The following SYT1 variants were observed in gnomAD, a reference collection of about 807,000 sequenced individuals.
The protein encoded by SYT1 is synaptotagmin 1, also known as synaptotagmin-1.
A neutral mutation model predicts 44.8 loss-of-function variants in SYT1; 8 were observed. That is an observed-to-expected ratio of 0.18 (90% CI 0.10 to 0.32). The LOEUF (loss-of-function observed/expected upper bound fraction) is 0.32, where lower values mean the gene tolerates loss of function less well. Among genes scored for constraint, SYT1 ranks in the 10% least tolerant of loss-of-function variants. The probability of loss-of-function intolerance (pLI) is 1.00; values close to 1 mark genes in which losing one functional copy is unlikely to be tolerated. For synonymous variants in SYT1, 154 were observed against 188.8 expected, an observed-to-expected ratio of 0.82 and a Z score of 1.51; for missense variants, 286 against 509.3, an observed-to-expected ratio of 0.56 and a Z score of 4.22.
At chr12:78,968,064 A>G (rs1868290105) in intron 1 of SYT1, among the ~76,000 whole-genome samples, 1 of 152,148 alleles carries the variant, frequency 6.6e-6, no homozygotes, top group Admixed American at 6.5e-5. Flanking sequence ...TTACATATCT[A>G]TATATGGAAG....
intron 8 of SYT1, among the ~76,000 whole-genome samples, chr12:79,316,670 G>A (rs1881101128): frequency 1.3e-5 from 2 of 151,958 alleles, no homozygotes; most frequent in South Asian, 4.1e-4. Flanking sequence ...TCTTGACCTG[G>A]GCACTATGTT....
intron 9 of SYT1, among the ~76,000 whole-genome samples, chr12:79,441,668 G>A (rs987060782): frequency 6.6e-6 from 1 of 152,114 alleles, no homozygotes; most frequent in Non-Finnish European, 1.5e-5. Flanking sequence ...ATACATCTGA[G>A]TCATCAGAAC....
At chr12:79,019,771 A>G (rs1275366296) in intron 2 of SYT1, among the ~76,000 whole-genome samples, 1 of 152,006 alleles carries the variant, frequency 6.6e-6, no homozygotes, top group Non-Finnish European at 1.5e-5. Flanking sequence ...CAGGAGTAAA[A>G]TTTGTCAGTG....
intron 1 of SYT1, among the ~76,000 whole-genome samples, chr12:78,904,286 T>C (rs1346939187): frequency 6.6e-6 from 1 of 152,120 alleles, no homozygotes; most frequent in Non-Finnish European, 1.5e-5. Context: ...GATACTTCTA[T>C]ATTAAGTTAC....
chr12:79,394,373 CAA>C (rs1227612713), intron 9 of SYT1, among the ~76,000 whole-genome samples: 1 of 151,788 alleles, frequency 6.6e-6, no homozygotes, highest in Non-Finnish European at 1.5e-5. Context: ...AATGCAGCTA[CAA>C]AAAAAATTAC....
intron 1 of SYT1, among the ~76,000 whole-genome samples, chr12:78,920,776 T>C (rs1876940276): frequency 6.6e-6 from 1 of 151,962 alleles, no homozygotes; most frequent in African/African-American, 2.4e-5. Flanking sequence ...TAACCTTTAT[T>C]ATCTGATTCA....
rs143434508 is a variant in SYT1 at position 79,024,518 on chromosome 12, A to C, written c.-83-22779A>C. Among the ~76,000 whole-genome samples the C allele has an allele frequency of 3.9e-5, 6 of 151,950 alleles. No individual in the cohort carries two copies. The East Asian group carries it at 1.2e-3, about 30-fold the overall frequency. On this transcript the variant is annotated intron_variant, in intron 2 of 10. Coordinates refer to ENST00000261205, the MANE Select transcript of SYT1 (RefSeq NM_005639.3). ...TTATTCATTTAATAATCAAATATTA[A>C]CTGAATGTCTACCTTGTAAAGATAC...
chr12:78,940,334 T>A (rs1661801124), intron 1 of SYT1, among the ~76,000 whole-genome samples: 1 of 152,218 alleles, frequency 6.6e-6, no homozygotes, highest in Non-Finnish European at 1.5e-5. Context: ...CTTTTTGTTA[T>A]GAGCTCAAAC....
At chr12:79,401,166 A>T (rs977825489) in intron 9 of SYT1, among the ~76,000 whole-genome samples, 1 of 152,206 alleles carries the variant, frequency 6.6e-6, no homozygotes, top group Non-Finnish European at 1.5e-5. Flanking sequence ...AATACTGGTG[A>T]CAAAGTTGAA....
chr12:79,133,185 A>G (rs548349758), intron 3 of SYT1, among the ~76,000 whole-genome samples: 1 of 152,282 alleles, frequency 6.6e-6, no homozygotes, highest in Non-Finnish European at 1.5e-5. Flanking sequence ...TAAGGTAACC[A>G]TAGTCAAGAA....
At chr12:79,075,988 A>G (rs542640984) in intron 3 of SYT1, among the ~76,000 whole-genome samples, 66 of 152,294 alleles carry the variant, frequency 4.3e-4, no homozygotes, top group African/African-American at 1.6e-3. Context: ...GTCATTAACA[A>G]GAGAAAAGCA....
At chr12:79,115,248 A>C (rs1879215507) in intron 3 of SYT1, among the ~76,000 whole-genome samples, 1 of 152,328 alleles carries the variant, frequency 6.6e-6, no homozygotes, top group Middle Eastern at 3.4e-3. Context: ...ACCTCTGGGC[A>C]GGACTGAGTT....
intron 3 of SYT1, among the ~76,000 whole-genome samples, chr12:79,154,008 CAAGCCCCTGACTTTATAAACTTA>C (rs1245101658): frequency 1.3e-5 from 2 of 152,084 alleles, no homozygotes; most frequent in Non-Finnish European, 2.9e-5. Context: ...ATCTGAGAAT[CAAGCCCCTGACTTTATAAACTTA>C]AAGTCCATTG....
intron 9 of SYT1, among the ~76,000 whole-genome samples, chr12:79,362,217 C>T (rs1241068602): frequency 6.6e-6 from 1 of 152,000 alleles, no homozygotes; most frequent in African/African-American, 2.4e-5. Flanking sequence ...ATGCAAAGCT[C>T]AGTGGTAAAT....
At chr12:79,200,848 G>A (rs1873744008) in intron 3 of SYT1, among the ~76,000 whole-genome samples, 1 of 152,114 alleles carries the variant, frequency 6.6e-6, no homozygotes, top group Non-Finnish European at 1.5e-5. Flanking sequence ...ACATAATTCA[G>A]AAACATAATC....
intron 2 of SYT1, among the ~76,000 whole-genome samples, chr12:79,025,964 G>A (rs942791152): frequency 6.6e-6 from 1 of 151,564 alleles, no homozygotes; most frequent in African/African-American, 2.4e-5. Flanking sequence ...CTTTCCCTCA[G>A]TGCTAGATAT....
At position 79,292,006 on chromosome 12, in the gene SYT1, A is replaced by AGGC; in HGVS notation, c.352-1_353dup. 6.2e-7 allele frequency: 1 copy of AGGC among 1,613,722 alleles called. No homozygotes were observed. Among genetic ancestry groups the AGGC allele is most frequent in the African/African-American group, 1.3e-5 (1 of 74,974 alleles). ...CACATGTGATCCTTTCTCTATACAT[A>AGGC]GGCCCTCAAGGATGATGATGCTGAA... On this transcript the variant is annotated splice_acceptor_variant, in intron 5 of 10. Coordinates refer to ENST00000261205, the MANE Select transcript of SYT1 (RefSeq NM_005639.3). LOFTEE classifies it high-confidence loss of function.
At chr12:79,050,996 C>A (rs1361957367) in intron 3 of SYT1, among the ~76,000 whole-genome samples, 2 of 151,272 alleles carry the variant, frequency 1.3e-5, no homozygotes, top group Non-Finnish European at 2.9e-5. Flanking sequence ...TATATATGGC[C>A]TGATAGGTCA....
chr12:79,015,171 C>T (rs1010513667), intron 2 of SYT1, among the ~76,000 whole-genome samples: 1 of 151,706 alleles, frequency 6.6e-6, no homozygotes, highest in Non-Finnish European at 1.5e-5. Context: ...TGTAACTAAC[C>T]TGCACATTGT....
Sources: allele counts gnomAD v4.1 joint callset (sites outside exome capture counted in the v4.1 genomes callset), GRCh38; gene constraint gnomAD v4.1.1; transcripts MANE v1.5; gene names NCBI Gene and HGNC (gene_info 2026-07-23, HGNC 2026-07-21).